Variants in ACOXL observed in about 807,000 individuals in gnomAD.
The protein encoded by ACOXL is acyl-coenzyme A oxidase-like protein.
ACOXL carries 70 observed loss-of-function variants against 71.9 expected under a neutral mutation model. That is an observed-to-expected ratio of 0.97 (90% confidence interval 0.80 to 1.19). The LOEUF (loss-of-function observed/expected upper bound fraction) is 1.19. ACOXL is among the 50% of genes most tolerant of loss of function. The pLI, the probability that ACOXL is intolerant of heterozygous loss-of-function variation, is 0.00. For missense variants in ACOXL, 703 were observed against 736.3 expected (o/e 0.95, Z 0.52); for synonymous variants, 253 against 281.6 (o/e 0.90, Z 1.02).
At chr2:110,736,389 C>T (rs1420222624) in intron 1 of ACOXL, among the ~76,000 whole-genome samples, 4 of 152,156 alleles carry the variant, frequency 2.6e-5, no homozygotes, top group Non-Finnish European at 5.9e-5. Context: ...TCCCCACTCC[C>T]CTCTTCCCCC....
chr2:111,046,829 T>G (rs1558909288), intron 15 of ACOXL, among the ~76,000 whole-genome samples: 1 of 152,006 alleles, frequency 6.6e-6, no homozygotes, highest in Non-Finnish European at 1.5e-5. Context: ...GAACCCTGCA[T>G]GAATGAGAGT....
intron 10 of ACOXL, among the ~76,000 whole-genome samples, chr2:110,900,384 T>C (rs1380238048): frequency 6.6e-6 from 1 of 152,168 alleles, no homozygotes; most frequent in Non-Finnish European, 1.5e-5. Context: ...CCAGAGTTAA[T>C]GGTAATGACT....
intron 10 of ACOXL, among the ~76,000 whole-genome samples, chr2:110,886,387 T>C (rs146359817): frequency 0.013 from 1,943 of 151,110 alleles, 23 homozygotes; most frequent in South Asian, 0.027. Flanking sequence ...TTTCTTTTTT[T>C]TTTTTTTTTT....
At chr2:110,964,224 A>T (rs1445952286) in intron 12 of ACOXL, among the ~76,000 whole-genome samples, 1 of 152,192 alleles carries the variant, frequency 6.6e-6, no homozygotes, top group African/African-American at 2.4e-5. Context: ...ATTTTAAGAT[A>T]ACAGCCTGAA....
chr2:110,840,873 C>T (rs1691085553), intron 9 of ACOXL, among the ~76,000 whole-genome samples: 1 of 152,200 alleles, frequency 6.6e-6, no homozygotes, highest in South Asian at 2.1e-4. Flanking sequence ...TGATGATCCG[C>T]ATAGGGAGAC....
At chr2:111,071,161 A>G (rs2067321587) in intron 16 of ACOXL, among the ~76,000 whole-genome samples, 1 of 152,192 alleles carries the variant, frequency 6.6e-6, no homozygotes, top group Admixed American at 6.5e-5. Flanking sequence ...GTTGGATTTT[A>G]AAAATTGGGA....
chr2:110,911,626 C>T (rs2059654331), intron 11 of ACOXL, among the ~76,000 whole-genome samples: 1 of 151,978 alleles, frequency 6.6e-6, no homozygotes, highest in South Asian at 2.1e-4. Context: ...TGATCATCCC[C>T]ATAGATGCAG....
intron 3 of ACOXL, among the ~76,000 whole-genome samples, chr2:110,786,774 C>G (rs558218453): frequency 1.3e-5 from 2 of 152,206 alleles, no homozygotes; most frequent in African/African-American, 2.4e-5. Context: ...TAGCATAAAG[C>G]AGACTTAAGA....
chr2:111,081,941 A>G (rs2067945571), intron 16 of ACOXL, among the ~76,000 whole-genome samples: 1 of 152,210 alleles, frequency 6.6e-6, no homozygotes, highest in Non-Finnish European at 1.5e-5. Context: ...CATATTCAAT[A>G]AATTGTGTTA....
intron 16 of ACOXL, among the ~76,000 whole-genome samples, chr2:111,054,616 G>C (rs933426076): frequency 6.6e-6 from 1 of 152,184 alleles, no homozygotes; most frequent in Non-Finnish European, 1.5e-5. Context: ...CAAATGCACA[G>C]AGACGCCTGG....
At chr2:110,835,577 TGC>T (rs1471350267) in intron 9 of ACOXL, among the ~76,000 whole-genome samples, 6 of 152,308 alleles carry the variant, frequency 3.9e-5, no homozygotes, top group Admixed American at 3.9e-4. Flanking sequence ...CCTCCAGACC[TGC>T]CAGTGGGCCT....
chr2:110,857,631 ATTTTGACAGT>A (rs891252717), intron 10 of ACOXL, among the ~76,000 whole-genome samples: 1 of 152,108 alleles, frequency 6.6e-6, no homozygotes, highest in Non-Finnish European at 1.5e-5. Flanking sequence ...AATTATCAAC[ATTTTGACAGT>A]TTTAGTTCAC....
intron 12 of ACOXL, among the ~76,000 whole-genome samples, chr2:110,972,773 A>G (rs1225685361): frequency 6.6e-6 from 1 of 152,212 alleles, no homozygotes; most frequent in Non-Finnish European, 1.5e-5. Context: ...GGAGTCATGC[A>G]GGACATGCTT....
intron 13 of ACOXL, among the ~76,000 whole-genome samples, chr2:110,992,785 A>T (rs1321280966): frequency 6.6e-6 from 1 of 152,182 alleles, no homozygotes; most frequent in East Asian, 1.9e-4. Flanking sequence ...GTAGCCTGCC[A>T]CTGGGGCCCC....
rs575873793 is a variant in ACOXL at position 110,744,766 on chromosome 2, C to T, written c.-23+11992C>T. ...GAGGGGAGGAGGTTTTTTGGTGTGCCGGCAAAAGACACTTCCTTGCTTACT... is the reference window on the plus strand; with the variant it reads ...GAGGGGAGGAGGTTTTTTGGTGTGCTGGCAAAAGACACTTCCTTGCTTACT... On this transcript the variant is annotated intron_variant, in intron 1 of 17. Coordinates refer to ENST00000439055, the MANE Select transcript of ACOXL (RefSeq NM_001142807.4). Among the ~76,000 whole-genome samples the T allele has an allele frequency of 5.3e-5, 8 of 152,170 alleles. No homozygotes were observed. The South Asian group carries it at 8.3e-4, about 16-fold the overall frequency.
At chr2:110,939,416 T>C (rs957280438) in intron 12 of ACOXL, among the ~76,000 whole-genome samples, 1 of 152,162 alleles carries the variant, frequency 6.6e-6, no homozygotes, top group Non-Finnish European at 1.5e-5. Context: ...TATTTGAAAT[T>C]TTAGAACCCC....
intron 10 of ACOXL, among the ~76,000 whole-genome samples, chr2:110,890,954 T>G (rs933926042): frequency 6.6e-6 from 1 of 152,190 alleles, no homozygotes; most frequent in Non-Finnish European, 1.5e-5. Context: ...CTTCTTTAAT[T>G]TCTTTCAACT....
At chr2:110,902,305 A>G (rs553947941) in intron 10 of ACOXL, among the ~76,000 whole-genome samples, 3 of 152,216 alleles carry the variant, frequency 2.0e-5, no homozygotes, top group African/African-American at 7.2e-5. Context: ...CCCAGTCTCT[A>G]CTAAAATTAC....
chr2:111,048,839 TTAG>T (rs1415520771), intron 15 of ACOXL, among the ~76,000 whole-genome samples: 3 of 152,076 alleles, frequency 2.0e-5, no homozygotes, highest in African/African-American at 7.2e-5. Context: ...ATTTTTTAAA[TTAG>T]CACTGTCAAA....
Sources: gnomAD v4.1 joint callset for allele counts (sites outside exome capture counted in the v4.1 genomes callset) on GRCh38, gnomAD v4.1.1 for gene constraint, MANE v1.5 for transcripts, NCBI Gene and HGNC (gene_info 2026-07-23, HGNC 2026-07-21) for gene names.